SORCS2: variants seen among roughly 807,000 people sequenced by gnomAD.
SORCS2 encodes sortilin related VPS10 domain containing receptor 2.
SORCS2 carries 100 observed loss-of-function variants against 141.6 expected under a neutral mutation model. The observed-to-expected ratio is 0.71, with a 90% CI of 0.60 to 0.83. The LOEUF (loss-of-function observed/expected upper bound fraction) is 0.83. Among genes scored for constraint, SORCS2 ranks in the 40% least tolerant of loss-of-function variants. SORCS2 has a pLI of 0.00. For synonymous variants in SORCS2, 789 were observed against 676.9 expected (o/e 1.17, Z -2.57); for missense variants, 1,646 against 1,560.2 (o/e 1.05, Z -0.93).
chr4:7,600,389 C>G (rs1169903274), intron 3 of SORCS2, among the ~76,000 whole-genome samples: 3 of 152,162 alleles, frequency 2.0e-5, no homozygotes, highest in African/African-American at 7.2e-5. Flanking sequence ...GATCCACATG[C>G]CAGGCGCTTG....
chr4:7,421,195 G>A (rs1726021323), intron 2 of SORCS2, among the ~76,000 whole-genome samples: 1 of 152,230 alleles, frequency 6.6e-6, no homozygotes, highest in Non-Finnish European at 1.5e-5. Flanking sequence ...GGGCTCTGCA[G>A]TGAGTCAGAG....
chr4:7,215,560 G>A (rs1189012730), intron 1 of SORCS2, among the ~76,000 whole-genome samples: 6 of 152,266 alleles, frequency 3.9e-5, no homozygotes, highest in African/African-American at 1.2e-4. Context: ...CAGCCCCGGT[G>A]CGGGATCCAC....
At chr4:7,672,691 C>A (rs1385860604) in intron 8 of SORCS2, among the ~76,000 whole-genome samples, 1 of 152,116 alleles carries the variant, frequency 6.6e-6, no homozygotes, top group African/African-American at 2.4e-5. Context: ...GTTGAAAGTC[C>A]TGGATACCCC....
At chr4:7,334,784 C>A (rs1030353726) in intron 1 of SORCS2, among the ~76,000 whole-genome samples, 1 of 152,106 alleles carries the variant, frequency 6.6e-6, no homozygotes, top group Non-Finnish European at 1.5e-5. Flanking sequence ...GGAGACCTGT[C>A]CTCCTGGCCG....
intron 1 of SORCS2, among the ~76,000 whole-genome samples, chr4:7,310,270 A>G (rs1439227766): frequency 7.9e-5 from 12 of 152,138 alleles, no homozygotes; most frequent in Admixed American, 6.5e-4. Context: ...CATCACCCCC[A>G]TTTTAGAAAT....
At chr4:7,655,348 C>T (rs765568803) in intron 5 of SORCS2, among the ~76,000 whole-genome samples, 4 of 152,222 alleles carry the variant, frequency 2.6e-5, no homozygotes, top group Non-Finnish European at 4.4e-5. Flanking sequence ...CTACCCGTCC[C>T]GAGGGCTCAG....
chr4:7,551,857 A>G (rs192956913), intron 3 of SORCS2, among the ~76,000 whole-genome samples: 2 of 152,376 alleles, frequency 1.3e-5, no homozygotes, highest in African/African-American at 4.8e-5. Context: ...GACTAGGTAT[A>G]TGAACAAATT....
intron 1 of SORCS2, among the ~76,000 whole-genome samples, chr4:7,269,628 C>T (rs1420289552): frequency 6.6e-6 from 1 of 152,126 alleles, no homozygotes; most frequent in African/African-American, 2.4e-5. Flanking sequence ...CGATGTATCC[C>T]CAAGCCAAGG....
chr4:7,259,447 G>A (rs1442990734), intron 1 of SORCS2, among the ~76,000 whole-genome samples: 1 of 152,054 alleles, frequency 6.6e-6, no homozygotes, highest in East Asian at 1.9e-4. Flanking sequence ...CAGGGTATGT[G>A]GCAGGTGTTT....
At chr4:7,338,064 C>A (rs2108982103) in intron 1 of SORCS2, among the ~76,000 whole-genome samples, 1 of 152,134 alleles carries the variant, frequency 6.6e-6, no homozygotes, top group African/African-American at 2.4e-5. Context: ...TCAGGTCTGG[C>A]ACCTAGAAGA....
At position 7,330,659 on chromosome 4, in the gene SORCS2, G is replaced by A. The variant is rs113877256; in HGVS notation, c.481-65629G>A. Among the ~76,000 whole-genome samples, 4 of 151,962 alleles carry A rather than the reference G, an allele frequency of 2.6e-5. 1 individual carries two copies. The highest frequency in any genetic ancestry group is 1.9e-4 in the East Asian group (1 of 5,138). On this transcript the variant is annotated intron_variant, in intron 1 of 26. Coordinates refer to ENST00000507866, the MANE Select transcript of SORCS2 (RefSeq NM_020777.3). ...AATTTAGAAGTGAAAGTCAATGCCC[G>A]CTGTGCTCTGCAGTGCAACTTACAT...
rs1212312367 is a variant in SORCS2 at position 7,724,450 on chromosome 4, G to A, written c.2611+567G>A. ...GGTGGTGATAATGGTGACAATGGTG[G>A]TGGTGATGGTGGTGGTGATGGTGAT... On this transcript the variant is annotated intron_variant, in intron 19 of 26. Coordinates refer to ENST00000507866, the MANE Select transcript of SORCS2 (RefSeq NM_020777.3). Among the ~76,000 whole-genome samples the A allele has an allele frequency of 7.5e-5, 10 of 132,922 alleles. No homozygotes were observed. In the East Asian group the frequency reaches 1.1e-3, roughly 15 times the overall value. 87.2% of individuals were successfully genotyped at this position (132,922 alleles called of 152,430 possible).
At chr4:7,392,670 T>C (rs1413750138) in intron 1 of SORCS2, among the ~76,000 whole-genome samples, 1 of 150,136 alleles carries the variant, frequency 6.7e-6, no homozygotes, top group Non-Finnish European at 1.5e-5. Context: ...GGGCTGGTCC[T>C]GGGTGGTAGT....
intron 3 of SORCS2, among the ~76,000 whole-genome samples, chr4:7,583,848 A>G (rs903937374): frequency 2.6e-5 from 4 of 152,222 alleles, no homozygotes; most frequent in African/African-American, 9.6e-5. Context: ...ATGAAGCTCA[A>G]ATGTGGTTCA....
chr4:7,292,306 A>T (rs2108879974), intron 1 of SORCS2, among the ~76,000 whole-genome samples: 1 of 152,210 alleles, frequency 6.6e-6, no homozygotes, highest in South Asian at 2.1e-4. Flanking sequence ...TCTGTTCACC[A>T]AGGAGGCTCC....
intron 1 of SORCS2, among the ~76,000 whole-genome samples, chr4:7,369,695 G>C (rs531998520): frequency 1.2e-4 from 19 of 152,304 alleles, no homozygotes; most frequent in African/African-American, 4.6e-4. Context: ...TAGTCCTGGA[G>C]GTCCTGGCCA....
At chr4:7,472,832 G>T (rs1730059935) in intron 2 of SORCS2, among the ~76,000 whole-genome samples, 1 of 152,052 alleles carries the variant, frequency 6.6e-6, no homozygotes, top group African/African-American at 2.4e-5. Flanking sequence ...TTGGGGCGAG[G>T]GCGGAATTAA....
intron 26 of SORCS2, among the ~76,000 whole-genome samples, chr4:7,739,896 T>G (rs1712514794): frequency 6.6e-6 from 1 of 152,152 alleles, no homozygotes; most frequent in Non-Finnish European, 1.5e-5. Flanking sequence ...CGCACCCCCT[T>G]GCTGCCGATG....
At chr4:7,366,248 C>CCT (rs372990531) in intron 1 of SORCS2, among the ~76,000 whole-genome samples, 22 of 151,562 alleles carry the variant, frequency 1.5e-4, no homozygotes, top group African/African-American at 3.6e-4. Flanking sequence ...TCCTTCCCTT[C>CCT]CTCTCTCTCT....
Sources: allele counts gnomAD v4.1 joint callset (sites outside exome capture counted in the v4.1 genomes callset), GRCh38; gene constraint gnomAD v4.1.1; transcripts MANE v1.5; gene names NCBI Gene and HGNC (gene_info 2026-07-23, HGNC 2026-07-21).